Variants in PAN3 observed in about 807,000 individuals in gnomAD.
The protein encoded by PAN3 is poly(A) specific ribonuclease subunit PAN3.
A neutral mutation model predicts 96.2 loss-of-function variants in PAN3; 19 were observed. The ratio of observed to expected loss-of-function variants is 0.20; its 90% CI spans 0.14 to 0.29. The LOEUF (loss-of-function observed/expected upper bound fraction) is 0.29, where lower values mean the gene tolerates loss of function less well. Among genes scored for constraint, PAN3 ranks in the 10% least tolerant of loss-of-function variants. The probability of loss-of-function intolerance (pLI) is 1.00; values close to 1 mark genes in which losing one functional copy is unlikely to be tolerated. For synonymous variants in PAN3, 433 were observed against 406.6 expected (o/e 1.06, Z -0.78); for missense variants, 882 against 1,108.1 (o/e 0.80, Z 2.90).
chr13:28,157,162 A>G (rs956823713), intron 1 of PAN3, among the ~76,000 whole-genome samples: 1 of 152,164 alleles, frequency 6.6e-6, no homozygotes. Context: ...AAAGGTTTTC[A>G]GTAAAATTCA....
intron 14 of PAN3, among the ~76,000 whole-genome samples, chr13:28,274,132 A>G (rs1350629374): frequency 1.3e-5 from 2 of 152,218 alleles, no homozygotes; most frequent in Admixed American, 6.5e-5. Context: ...TGATAGCAAC[A>G]TCTAGTGGGC....
At chr13:28,201,783 G>T (rs1021511523) in intron 5 of PAN3, among the ~76,000 whole-genome samples, 3 of 152,042 alleles carry the variant, frequency 2.0e-5, no homozygotes, top group Non-Finnish European at 4.4e-5. Flanking sequence ...GCTTTTTCTT[G>T]TATGTCATTG....
chr13:28,218,971 G>A lies in PAN3; in HGVS notation c.853-1260G>A, dbSNP rs557489655. 9.2e-5 allele frequency among the ~76,000 whole-genome samples: 14 copies of A among 152,226 alleles called. No individual in the cohort carries two copies. In the East Asian group the frequency reaches 1.9e-3, roughly 21 times the overall value. ...ATTTAGGTTTAACTGGGACATACCG[G>A]CCCTGACATACTTTTCATTCTGTTG... is the stretch of plus-strand genomic sequence containing the variant. On this transcript the variant is annotated intron_variant, in intron 5 of 18. Coordinates refer to ENST00000380958, the MANE Select transcript of PAN3 (RefSeq NM_175854.8).
intron 1 of PAN3, among the ~76,000 whole-genome samples, chr13:28,160,774 T>C (rs1460345696): frequency 1.3e-5 from 2 of 152,216 alleles, no homozygotes; most frequent in African/African-American, 4.8e-5. Context: ...GAGAGATTGA[T>C]CTATTTAGAT....
In PAN3 at chr13:28,294,375, A is replaced by G. The variant is rs1870099329; in HGVS notation, c.*1853A>G. The G allele has an allele frequency of 6.6e-6, 1 of 152,622 alleles. No homozygotes were observed. The highest frequency in any genetic ancestry group is 1.5e-5 in the Non-Finnish European group (1 of 68,026). The allele number at this position is 152,622 out of a possible 1,614,324, so 9.5% of individuals were successfully genotyped here. ...TGAGGAAGAGCAGCTGTCTTTTTAT[A>G]TGTTTTTTGACAAATCATATTGTAT... On this transcript the variant is annotated 3_prime_UTR_variant, in exon 19 of 19. Transcript: ENST00000380958.
intron 1 of PAN3, among the ~76,000 whole-genome samples, chr13:28,139,507 G>GTGT (rs1869342833): frequency 6.3e-5 from 7 of 111,688 alleles, no homozygotes; most frequent in African/African-American, 3.4e-4. Flanking sequence ...AGTGGGGAGG[G>GTGT]GTGTGTTTGT....
chr13:28,238,376 A>C (rs540575965), intron 6 of PAN3, among the ~76,000 whole-genome samples: 4 of 152,346 alleles, frequency 2.6e-5, no homozygotes, highest in African/African-American at 9.6e-5. Context: ...AAAGTGAGGA[A>C]TCAATAAGGC....
chr13:28,290,059 A>G (rs1869550074), intron 18 of PAN3, among the ~76,000 whole-genome samples: 1 of 152,230 alleles, frequency 6.6e-6, no homozygotes, highest in Non-Finnish European at 1.5e-5. Context: ...CTGCAGGCCA[A>G]ATCCGTTCTA....
chr13:28,274,207 G>A (rs886087198), intron 14 of PAN3, among the ~76,000 whole-genome samples: 15 of 152,250 alleles, frequency 9.9e-5, no homozygotes, highest in African/African-American at 3.4e-4. Context: ...TCTTCTGCCT[G>A]AGGGCATTTG....
chr13:28,256,196 T>C (rs1486231832), intron 6 of PAN3, 96 bp from the exon 7 acceptor site: 12 of 1,286,066 alleles, frequency 9.3e-6, no homozygotes, highest in Non-Finnish European at 8.6e-6. Flanking sequence ...CCAAAGATGA[T>C]GTTTCTTCCA....
At chr13:28,264,483 G>A (rs1232143279) in intron 9 of PAN3, among the ~76,000 whole-genome samples, 1 of 152,100 alleles carries the variant, frequency 6.6e-6, no homozygotes, top group Non-Finnish European at 1.5e-5. Flanking sequence ...AGGTTGCAGT[G>A]AGATTGTGCC....
intron 6 of PAN3, among the ~76,000 whole-genome samples, chr13:28,222,206 T>C (rs1200103155): frequency 6.6e-6 from 1 of 152,144 alleles, no homozygotes; most frequent in Non-Finnish European, 1.5e-5. Context: ...TTTAAGAAAA[T>C]CCATTAATGC....
chr13:28,256,604 C>G, intron 7 of PAN3, 65 bp downstream of exon 7: 1 of 1,468,922 alleles, frequency 6.8e-7, no homozygotes. Flanking sequence ...AGTTGTGAGG[C>G]GGTCTACCCC....
chr13:28,235,722 CATAT>C (rs1555285777), intron 6 of PAN3, among the ~76,000 whole-genome samples: 20 of 149,036 alleles, frequency 1.3e-4, no homozygotes, highest in South Asian at 4.2e-4. Flanking sequence ...CACACACACA[CATAT>C]ATATATATAT....
intron 5 of PAN3, among the ~76,000 whole-genome samples, chr13:28,205,839 C>T (rs575811040): frequency 1.6e-4 from 22 of 140,226 alleles, no homozygotes; most frequent in Non-Finnish European, 2.9e-4. Context: ...TCTTAAAAAA[C>T]GAAAACAAAA....
chr13:28,175,652 C>CT, intron 2 of PAN3, among the ~76,000 whole-genome samples: 1 of 151,876 alleles, frequency 6.6e-6, no homozygotes, highest in South Asian at 2.1e-4. Context: ...GATATGCACT[C>CT]TAAGGGTTGT....
chr13:28,292,294 T>A, intron 18 of PAN3, 88 bp from the exon 19 acceptor site: 1 of 1,327,176 alleles, frequency 7.5e-7, no homozygotes, highest in Non-Finnish European at 1.0e-6. Flanking sequence ...AAAAAAAATT[T>A]AGATATTTTA....
chr13:28,214,826 T>C, intron 5 of PAN3: 1 of 649,008 alleles, frequency 1.5e-6, no homozygotes, highest in Non-Finnish European at 2.8e-6. Flanking sequence ...ACATGATTAC[T>C]GGGACATCTC....
intron 1 of PAN3, among the ~76,000 whole-genome samples, chr13:28,151,489 T>A (rs9579166): frequency 0.056 from 8,527 of 151,732 alleles, 312 homozygotes; most frequent in South Asian, 0.15. Context: ...CACTCCAGCC[T>A]AGGTGACAGA....
Sources: allele counts gnomAD v4.1 joint callset (sites outside exome capture counted in the v4.1 genomes callset), GRCh38; gene constraint gnomAD v4.1.1; transcripts MANE v1.5; gene names NCBI Gene and HGNC (gene_info 2026-07-23, HGNC 2026-07-21).